ROR1: variants seen among roughly 807,000 people sequenced by gnomAD.
ROR1 encodes the protein ROR family WNT receptor 1.
Under a neutral mutation model 78.8 loss-of-function variants are expected in ROR1, and 19 were observed. That is an observed-to-expected ratio of 0.24 (90% CI 0.17 to 0.35). The LOEUF is 0.35. Among genes scored for constraint, ROR1 ranks in the 10% least tolerant of loss-of-function variants. The probability of loss-of-function intolerance (pLI) is 1.00; values close to 1 mark genes in which losing one functional copy is unlikely to be tolerated. For missense variants in ROR1, 917 were observed against 1,177.8 expected, an observed-to-expected ratio of 0.78 and a Z score of 3.24; for synonymous variants, 386 against 433.6, an observed-to-expected ratio of 0.89 and a Z score of 1.36.
intron 1 of ROR1, among the ~76,000 whole-genome samples, chr1:63,983,395 CT>C (rs1337120306): frequency 3.9e-5 from 6 of 152,198 alleles, no homozygotes; most frequent in African/African-American, 1.4e-4. Context: ...AGTGTTTCAG[CT>C]GTGCCTATGC....
rs143983315 is a variant in ROR1, at chr1:63,886,146, C to T, written c.91+111638C>T. 2.2e-3 allele frequency among the ~76,000 whole-genome samples: 338 copies of T among 152,250 alleles called. 3 individuals are homozygous for T. The highest frequency in any genetic ancestry group is 7.9e-3 in the African/African-American group (327 of 41,546). ...CGCTCCTATGAGAATCTAATGCCAT[C>T]GCTGGCTGATCTGACAGGAAGTGGA... On this transcript the variant is annotated intron_variant, in intron 1 of 8. Transcript: ENST00000371079.
intron 4 of ROR1, among the ~76,000 whole-genome samples, chr1:64,111,632 G>A (rs996212553): frequency 2.0e-5 from 3 of 152,170 alleles, no homozygotes; most frequent in Non-Finnish European, 4.4e-5. Flanking sequence ...TGGAGGGTAG[G>A]GCTGGGAGTA....
chr1:63,781,146 G>A (rs1644649356), intron 1 of ROR1, among the ~76,000 whole-genome samples: 1 of 152,178 alleles, frequency 6.6e-6, no homozygotes, highest in African/African-American at 2.4e-5. Flanking sequence ...TTGTCACTCA[G>A]TGTATTTCAA....
At chr1:63,851,799 A>G (rs939610209) in intron 1 of ROR1, among the ~76,000 whole-genome samples, 1 of 152,242 alleles carries the variant, frequency 6.6e-6, no homozygotes, top group African/African-American at 2.4e-5. Flanking sequence ...ATGATTTGTA[A>G]TGATTTTGTA....
intron 1 of ROR1, among the ~76,000 whole-genome samples, chr1:63,779,046 C>G (rs906328561): frequency 1.3e-5 from 2 of 152,200 alleles, no homozygotes; most frequent in Non-Finnish European, 1.5e-5. Context: ...AATTTCCCTT[C>G]GAGTGCTGGA....
intron 4 of ROR1, among the ~76,000 whole-genome samples, chr1:64,130,200 TGTAAGG>T (rs547663698): frequency 5.0e-4 from 76 of 152,256 alleles, no homozygotes; most frequent in Non-Finnish European, 9.9e-4. Flanking sequence ...GAAAAAGGGA[TGTAAGG>T]GTTAGCTGAA....
chr1:63,860,592 C>CACAT (rs1553138072), intron 1 of ROR1, among the ~76,000 whole-genome samples: 3 of 147,344 alleles, frequency 2.0e-5, no homozygotes, highest in Non-Finnish European at 3.1e-5. Context: ...CACACACACA[C>CACAT]ACACACACAC....
chr1:64,088,623 T>G (rs957286900), intron 4 of ROR1, among the ~76,000 whole-genome samples: 7 of 152,012 alleles, frequency 4.6e-5, no homozygotes, highest in Non-Finnish European at 8.8e-5. Flanking sequence ...AGCTAATAAA[T>G]ATCCTTTTAT....
At chr1:63,900,848 G>C (rs1645479588) in intron 1 of ROR1, among the ~76,000 whole-genome samples, 2 of 152,042 alleles carry the variant, frequency 1.3e-5, no homozygotes, top group Admixed American at 6.6e-5. Flanking sequence ...TCATGTTATG[G>C]TTGCATTCTT....
chr1:63,907,556 G>T (rs705520), intron 1 of ROR1, among the ~76,000 whole-genome samples: 127,039 of 152,124 alleles, frequency 0.84, 53,929 homozygotes, highest in East Asian at 0.99. Flanking sequence ...TGGCTGGGCT[G>T]TGGTTTTCTC....
intron 4 of ROR1, among the ~76,000 whole-genome samples, chr1:64,097,936 A>G (rs1440642524): frequency 1.3e-5 from 2 of 152,172 alleles, no homozygotes; most frequent in Non-Finnish European, 2.9e-5. Context: ...GTGCTAGTCC[A>G]TGGACAAATT....
chr1:63,874,800 C>T (rs1645273919), intron 1 of ROR1, among the ~76,000 whole-genome samples: 1 of 152,150 alleles, frequency 6.6e-6, no homozygotes, highest in African/African-American at 2.4e-5. Flanking sequence ...CCCAATTTCT[C>T]CATGATCTTT....
chr1:63,777,134 T>C (rs902647711), intron 1 of ROR1, among the ~76,000 whole-genome samples: 2 of 152,196 alleles, frequency 1.3e-5, no homozygotes, highest in African/African-American at 4.8e-5. Context: ...TCAACTTCTT[T>C]AGGAACCTGA....
chr1:64,056,690 AC>A (rs1569644676), intron 4 of ROR1, among the ~76,000 whole-genome samples: 2 of 151,420 alleles, frequency 1.3e-5, no homozygotes, highest in East Asian at 1.9e-4. Context: ...AAAAAAAAAA[AC>A]AAACATTATT....
At chr1:63,993,241 T>A (rs1024684424) in intron 1 of ROR1, among the ~76,000 whole-genome samples, 1 of 152,196 alleles carries the variant, frequency 6.6e-6, no homozygotes, top group Non-Finnish European at 1.5e-5. Flanking sequence ...TATGAGGTGC[T>A]CTTTCTATGG....
chr1:64,109,241 G>A (rs1047266315), intron 4 of ROR1, among the ~76,000 whole-genome samples: 5 of 152,118 alleles, frequency 3.3e-5, no homozygotes, highest in African/African-American at 4.8e-5. Context: ...GATCAGCTCC[G>A]ATGCACAAGA....
At chr1:63,983,464 C>T (rs1029967526) in intron 1 of ROR1, among the ~76,000 whole-genome samples, 1 of 152,136 alleles carries the variant, frequency 6.6e-6, no homozygotes, top group Non-Finnish European at 1.5e-5. Flanking sequence ...GGCTGAGAAA[C>T]TTCAGGCTGG....
At chr1:64,061,951 G>A (rs143150297) in intron 4 of ROR1, among the ~76,000 whole-genome samples, 1 of 152,124 alleles carries the variant, frequency 6.6e-6, no homozygotes, top group African/African-American at 2.4e-5. Context: ...TATCTGTCAG[G>A]CGCTTCTATC....
chr1:64,082,050 C>G (rs1173153450), intron 4 of ROR1, among the ~76,000 whole-genome samples: 7 of 152,104 alleles, frequency 4.6e-5, no homozygotes, highest in African/African-American at 1.7e-4. Context: ...GTAGACAGAA[C>G]TGGGGCCAGA....
Sources: gnomAD v4.1 joint callset for allele counts (sites outside exome capture counted in the v4.1 genomes callset) on GRCh38, gnomAD v4.1.1 for gene constraint, MANE v1.5 for transcripts, NCBI Gene and HGNC (gene_info 2026-07-23, HGNC 2026-07-21) for gene names.